CDIN1: variants seen among roughly 807,000 people sequenced by gnomAD.
CDIN1 encodes the protein CDAN1 interacting nuclease 1.
A neutral mutation model predicts 45.3 loss-of-function variants in CDIN1; 33 were observed. The ratio of observed to expected loss-of-function variants is 0.73; its 90% confidence interval spans 0.55 to 0.97. The LOEUF (loss-of-function observed/expected upper bound fraction) is 0.97, where lower values mean the gene tolerates loss of function less well. Among genes scored for constraint, CDIN1 ranks in the 50% least tolerant of loss-of-function variants. The pLI is 0.00. For synonymous variants in CDIN1, 118 were observed against 124.4 expected, an observed-to-expected ratio of 0.95 and a Z score of 0.34; for missense variants, 303 against 339.4, an observed-to-expected ratio of 0.89 and a Z score of 0.84.
At chr15:36,750,047 T>A (rs905919178) in intron 10 of CDIN1, among the ~76,000 whole-genome samples, 2 of 152,084 alleles carry the variant, frequency 1.3e-5, no homozygotes, top group African/African-American at 2.4e-5. Flanking sequence ...CACTTCTTCC[T>A]GAGCAGGATC....
chr15:36,721,606 A>G (rs894221486), intron 10 of CDIN1, among the ~76,000 whole-genome samples: 36 of 152,158 alleles, frequency 2.4e-4, no homozygotes, highest in African/African-American at 8.4e-4. Flanking sequence ...TAAATTTTCT[A>G]TGTACACTTG....
intron 10 of CDIN1, among the ~76,000 whole-genome samples, chr15:36,774,621 C>G (rs575431206): frequency 1.5e-4 from 23 of 152,104 alleles, no homozygotes; most frequent in African/African-American, 5.1e-4. Context: ...TCTTCTGAAT[C>G]TGATTCTGCT....
intron 1 of CDIN1, among the ~76,000 whole-genome samples, chr15:36,612,639 A>C (rs2038702313): frequency 6.6e-6 from 1 of 152,144 alleles, no homozygotes; most frequent in Non-Finnish European, 1.5e-5. Context: ...TAAGCTTGGC[A>C]TGTTATGATG....
chr15:36,625,718 G>T (rs1595384306), intron 1 of CDIN1, among the ~76,000 whole-genome samples: 1 of 152,306 alleles, frequency 6.6e-6, no homozygotes, highest in African/African-American at 2.4e-5. Flanking sequence ...GGATCTTGAA[G>T]AATTAGTTAG....
intron 5 of CDIN1, among the ~76,000 whole-genome samples, chr15:36,688,305 A>G (rs1481225977): frequency 6.6e-6 from 1 of 152,164 alleles, no homozygotes; most frequent in Non-Finnish European, 1.5e-5. Context: ...AAGCAAATTT[A>G]TTGCAGACGT....
chr15:36,647,196 A>G (rs1159244143), intron 3 of CDIN1, among the ~76,000 whole-genome samples: 1 of 151,624 alleles, frequency 6.6e-6, no homozygotes, highest in Non-Finnish European at 1.5e-5. Context: ...GCTAATTAAA[A>G]AAAAAAGTTT....
At chr15:36,769,907 C>T (rs546010199) in intron 10 of CDIN1, among the ~76,000 whole-genome samples, 3 of 152,246 alleles carry the variant, frequency 2.0e-5, no homozygotes, top group African/African-American at 4.8e-5. Flanking sequence ...GGGTACCCAC[C>T]GGCAATTTTA....
At chr15:36,668,690 T>G (rs1404946285) in intron 5 of CDIN1, among the ~76,000 whole-genome samples, 1 of 152,076 alleles carries the variant, frequency 6.6e-6, no homozygotes, top group Non-Finnish European at 1.5e-5. Flanking sequence ...GTCATAAAAG[T>G]TTTTCTTCTT....
chr15:36,796,059 G>A (rs2054787676), intron 10 of CDIN1, among the ~76,000 whole-genome samples: 1 of 152,028 alleles, frequency 6.6e-6, no homozygotes, highest in Non-Finnish European at 1.5e-5. Flanking sequence ...CCTTTGGTTA[G>A]TACTTTACAG....
At chr15:36,643,635 C>T (rs1413845192) in intron 1 of CDIN1, among the ~76,000 whole-genome samples, 1 of 152,166 alleles carries the variant, frequency 6.6e-6, no homozygotes, top group African/African-American at 2.4e-5. Flanking sequence ...TTTCAGGTTG[C>T]TTCATTGCCA....
rs1190102339 is a variant in CDIN1, at chr15:36,579,825, T to C, written c.-36T>C. The C allele has an allele frequency of 1.3e-6, 2 of 1,573,010 alleles. No individual in the cohort carries two copies. Among genetic ancestry groups the C allele is most frequent in the Non-Finnish European group, 8.7e-7 (1 of 1,153,890 alleles). ...GCTACTTGAGCCCCAGGGTGTTTTT[T>C]CCTTGTTCCCGCCACCTCCTGGTCC... On this transcript the variant is annotated 5_prime_UTR_variant, in exon 1 of 11. Transcript: ENST00000566621.
intron 1 of CDIN1, among the ~76,000 whole-genome samples, chr15:36,582,501 A>C (rs1218757295): frequency 6.6e-6 from 1 of 152,216 alleles, no homozygotes; most frequent in Non-Finnish European, 1.5e-5. Flanking sequence ...GATGCCTATG[A>C]TTTGTGCCTT....
intron 5 of CDIN1, among the ~76,000 whole-genome samples, chr15:36,685,995 A>G (rs1464437712): frequency 2.6e-5 from 4 of 151,684 alleles, no homozygotes. Flanking sequence ...TGTGGAAGTC[A>G]GTGTGGCGAT....
chr15:36,685,692 T>C (rs1566898081), intron 5 of CDIN1, among the ~76,000 whole-genome samples: 1 of 151,922 alleles, frequency 6.6e-6, no homozygotes, highest in Non-Finnish European at 1.5e-5. Flanking sequence ...GAATCTACAG[T>C]GAACTCAAAC....
At chr15:36,766,274 T>G (rs530464741) in intron 10 of CDIN1, among the ~76,000 whole-genome samples, 1 of 152,240 alleles carries the variant, frequency 6.6e-6, no homozygotes, top group East Asian at 1.9e-4. Flanking sequence ...CCACTGTATG[T>G]ATGTACTACG....
At chr15:36,778,783 C>G (rs111712638) in intron 10 of CDIN1, among the ~76,000 whole-genome samples, 8 of 152,244 alleles carry the variant, frequency 5.3e-5, no homozygotes, top group African/African-American at 1.7e-4. Flanking sequence ...TCAACTCACT[C>G]TAAGCACACC....
At chr15:36,588,910 G>T (rs1202517241) in intron 1 of CDIN1, among the ~76,000 whole-genome samples, 1 of 152,116 alleles carries the variant, frequency 6.6e-6, no homozygotes, top group East Asian at 1.9e-4. Flanking sequence ...ATTCTAAGAA[G>T]AATCCACATG....
intron 10 of CDIN1, among the ~76,000 whole-genome samples, chr15:36,745,687 C>T (rs2044396075): frequency 1.3e-5 from 2 of 151,962 alleles, no homozygotes; most frequent in Admixed American, 6.6e-5. Flanking sequence ...CTTATGAGGC[C>T]GGGTGCAGTG....
At chr15:36,663,738 G>A (rs957971483) in intron 5 of CDIN1, among the ~76,000 whole-genome samples, 2 of 152,112 alleles carry the variant, frequency 1.3e-5, no homozygotes, top group African/African-American at 4.8e-5. Flanking sequence ...GAATAAAACC[G>A]AAGGAGAGTA....
Sources: gnomAD v4.1 joint callset for allele counts (sites outside exome capture counted in the v4.1 genomes callset) on GRCh38, gnomAD v4.1.1 for gene constraint, MANE v1.5 for transcripts, NCBI Gene and HGNC (gene_info 2026-07-23, HGNC 2026-07-21) for gene names.